Variants in FBXO11 observed in about 807,000 individuals in gnomAD.
FBXO11 encodes the protein F-box only protein 11.
In FBXO11, 13 loss-of-function variants were observed where a neutral mutation model predicts 117.0. That is an observed-to-expected ratio of 0.11 (90% CI 0.07 to 0.18). The LOEUF is 0.18. Ranked by LOEUF, FBXO11 falls within the 10% of genes least tolerant of loss-of-function variation. The pLI, the probability that FBXO11 is intolerant of heterozygous loss-of-function variation, is 1.00. For missense variants in FBXO11, 767 were observed against 1,164.4 expected, an observed-to-expected ratio of 0.66 and a Z score of 4.97; for synonymous variants, 490 against 380.5, an observed-to-expected ratio of 1.29 and a Z score of -3.35.
intron 1 of FBXO11, among the ~76,000 whole-genome samples, chr2:47,892,305 T>C (rs1341462706): frequency 6.6e-6 from 1 of 152,218 alleles, no homozygotes; most frequent in Non-Finnish European, 1.5e-5. Flanking sequence ...AGATATTAGT[T>C]AACATTTCAC....
chr2:47,806,974 T>A lies in FBXO11; in HGVS notation c.*1144A>T. 1 of 845,698 alleles carries A rather than the reference T, an allele frequency of 1.2e-6. No homozygotes were observed. The highest frequency in any genetic ancestry group is 1.9e-6 in the Non-Finnish European group (1 of 514,958). The allele number at this position is 845,698 out of a possible 1,614,324, so 52.4% of individuals were successfully genotyped here. ...AATGACCATTTTTCCATTTTCTTTC[T>A]AGGAAATTAAACCCTTTTAATTCTT... On this transcript the variant is annotated 3_prime_UTR_variant, in exon 23 of 23. Transcript: ENST00000403359.
chr2:47,889,488 C>T (rs1437870221), intron 1 of FBXO11, among the ~76,000 whole-genome samples: 5 of 152,148 alleles, frequency 3.3e-5, no homozygotes, highest in African/African-American at 9.6e-5. Flanking sequence ...TAAGATGGTC[C>T]GACAACTTAT....
At chr2:47,815,339 G>A (rs1336319200) in intron 16 of FBXO11, among the ~76,000 whole-genome samples, 1 of 152,190 alleles carries the variant, frequency 6.6e-6, no homozygotes, top group African/African-American at 2.4e-5. Flanking sequence ...GATCTTCCAG[G>A]GAGAAGGGAG....
At chr2:47,826,247 C>G (rs1558417158) in intron 11 of FBXO11, among the ~76,000 whole-genome samples, 1 of 151,838 alleles carries the variant, frequency 6.6e-6, no homozygotes, top group Non-Finnish European at 1.5e-5. Context: ...TTAGTAGAGA[C>G]AGGGTTTCAC....
intron 16 of FBXO11, among the ~76,000 whole-genome samples, chr2:47,816,283 G>A (rs1050928038): frequency 1.1e-4 from 17 of 152,106 alleles, no homozygotes; most frequent in East Asian, 1.9e-4. Context: ...GGGCTCAAGC[G>A]ATCCTCCCAC....
intron 11 of FBXO11, among the ~76,000 whole-genome samples, chr2:47,825,653 T>C (rs1202301215): frequency 6.7e-6 from 1 of 148,456 alleles, no homozygotes; most frequent in Non-Finnish European, 1.5e-5. Flanking sequence ...AATCACTCAC[T>C]GAAGCCTCAA....
rs1678755515 is a variant in FBXO11, at chr2:47,905,670, C to T, written c.51G>A (p.Pro17=). 10 of 1,504,460 alleles carry T rather than the reference C, an allele frequency of 6.6e-6. No individual in the cohort carries two copies. Among genetic ancestry groups the T allele is most frequent in the Non-Finnish European group, 8.0e-6 (9 of 1,128,928 alleles). 93.2% of individuals were successfully genotyped at this position (1,504,460 alleles called of 1,614,324 possible). A position where few individuals can be genotyped will look rare whatever the true frequency, so the allele number is the denominator to read the frequency against. ...ANRRPRRVSR[P]RPVQQQQQQP... ...GCTGCTGCTGTTGCTGCACCGGGCG[C>T]GGCCGCGACACTCGCCTGGGTCTCC... The change falls in exon 1 of 23, where the codon CCG becomes CCA. Residue 17 remains proline, a synonymous_variant. Coordinates refer to ENST00000403359, the MANE Select transcript of FBXO11 (RefSeq NM_001190274.2).
intron 16 of FBXO11, among the ~76,000 whole-genome samples, chr2:47,815,065 G>T (rs1029861830): frequency 6.6e-6 from 1 of 152,124 alleles, no homozygotes; most frequent in Non-Finnish European, 1.5e-5. Context: ...TACCACGTCT[G>T]GAATTAGTTC....
At chr2:47,842,046 C>T (rs1469198272) in intron 1 of FBXO11, among the ~76,000 whole-genome samples, 5 of 148,544 alleles carry the variant, frequency 3.4e-5, no homozygotes, top group African/African-American at 7.4e-5. Flanking sequence ...GACAGAGTCT[C>T]GCCCTGTTGC....
chr2:47,898,784 G>C (rs115202752), intron 1 of FBXO11, among the ~76,000 whole-genome samples: 1,883 of 152,212 alleles, frequency 0.012, 31 homozygotes, highest in African/African-American at 0.041. Context: ...CAAGGGGCAG[G>C]TTATTGCATC....
intron 1 of FBXO11, among the ~76,000 whole-genome samples, chr2:47,904,554 C>T (rs550784119): frequency 6.6e-6 from 1 of 150,854 alleles, no homozygotes; most frequent in Admixed American, 6.7e-5. Flanking sequence ...AGGCCTTGGA[C>T]ACAACACACA....
intron 7 of FBXO11, 38 bp downstream of exon 7, chr2:47,834,539 TAA>T (rs982602242): frequency 2.0e-6 from 3 of 1,466,032 alleles, no homozygotes; most frequent in Non-Finnish European, 2.7e-6. Flanking sequence ...CATAAATGAG[TAA>T]AATATTAAAA....
In FBXO11 at chr2:47,813,755, T is replaced by C. The variant is rs754352141; in HGVS notation, c.2083+36A>G. ...GCCTAGAAGGTGTATTTCTAAAGTT[T>C]ATTAACACAGAAAAAAGATGACAGA... On this transcript the variant is annotated intron_variant, in intron 17 of 22. Transcript: ENST00000403359. The C allele has an allele frequency of 8.0e-5, 115 of 1,437,712 alleles. 1 individual carries two copies. In the South Asian group the frequency reaches 1.2e-3, roughly 15 times the overall value. The allele number at this position is 1,437,712 out of a possible 1,614,324, so 89.1% of individuals were successfully genotyped here.
intron 1 of FBXO11, among the ~76,000 whole-genome samples, chr2:47,889,896 A>G (rs1463135392): frequency 2.6e-5 from 4 of 152,226 alleles, no homozygotes; most frequent in Non-Finnish European, 4.4e-5. Context: ...TTCATCTTCC[A>G]TCATTCAACA....
chr2:47,906,014 A>G lies in FBXO11; in HGVS notation c.-294T>C, dbSNP rs1678788542. The G allele has an allele frequency of 1.0e-5, 3 of 298,414 alleles. No individual in the cohort carries two copies. Among genetic ancestry groups the G allele is most frequent in the Non-Finnish European group, 1.3e-5 (2 of 158,830 alleles). 18.5% of individuals were successfully genotyped at this position (298,414 alleles called of 1,614,324 possible). Reference sequence around the variant, plus strand: ...GGGACGAAGGCAGAAAGACGGGCAGACCGAGAGAAAGAAAGAAAGGGCGTC... The same window carrying G: ...GGGACGAAGGCAGAAAGACGGGCAGGCCGAGAGAAAGAAAGAAAGGGCGTC... On this transcript the variant is annotated 5_prime_UTR_variant, in exon 1 of 23. Coordinates refer to ENST00000403359, the MANE Select transcript of FBXO11 (RefSeq NM_001190274.2).
intron 16 of FBXO11, chr2:47,818,576 G>A: frequency 4.0e-6 from 2 of 504,366 alleles, no homozygotes; most frequent in Non-Finnish European, 7.1e-6. Context: ...AGCTCTTATG[G>A]CACATGTGCC....
chr2:47,847,622 C>T (rs1215286059), intron 1 of FBXO11, among the ~76,000 whole-genome samples: 1 of 151,478 alleles, frequency 6.6e-6, no homozygotes, highest in African/African-American at 2.4e-5. Flanking sequence ...GGCAGGAGAA[C>T]CGCTTGAACC....
At chr2:47,831,124 A>G (rs916220589) in intron 11 of FBXO11, among the ~76,000 whole-genome samples, 5 of 151,340 alleles carry the variant, frequency 3.3e-5, no homozygotes, top group Middle Eastern at 6.8e-3. Flanking sequence ...TTAAAAAAAG[A>G]GCTCTGCCTT....
chr2:47,881,490 C>A (rs2103905831), intron 1 of FBXO11, among the ~76,000 whole-genome samples: 1 of 152,256 alleles, frequency 6.6e-6, no homozygotes, highest in East Asian at 1.9e-4. Context: ...CACGCCTCCT[C>A]TCCCATTACC....
Sources: gnomAD v4.1 joint callset for allele counts (sites outside exome capture counted in the v4.1 genomes callset) on GRCh38, gnomAD v4.1.1 for gene constraint, MANE v1.5 for transcripts, NCBI Gene and HGNC (gene_info 2026-07-23, HGNC 2026-07-21) for gene names.